The following DLG2 variants were observed in gnomAD, a reference collection of about 807,000 sequenced individuals.
The protein encoded by DLG2 is disks large homolog 2.
A neutral mutation model predicts 132.5 loss-of-function variants in DLG2; 45 were observed. That is an observed-to-expected ratio of 0.34 (90% CI 0.27 to 0.44). The LOEUF is 0.44. DLG2 is among the 20% of genes least tolerant of loss of function. The probability of loss-of-function intolerance (pLI) is 1.00; values close to 1 mark genes in which losing one functional copy is unlikely to be tolerated. For synonymous variants in DLG2, 424 were observed against 419.6 expected (o/e 1.01, Z -0.13); for missense variants, 1,045 against 1,196.9 (o/e 0.87, Z 1.87).
intron 6 of DLG2, among the ~76,000 whole-genome samples, chr11:85,060,413 G>A (rs998871475): frequency 2.0e-5 from 3 of 149,708 alleles, no homozygotes; most frequent in Admixed American, 6.7e-5. Context: ...CATTATATAT[G>A]TGTGTGTATA....
chr11:84,144,712 T>C (rs1449605999), intron 9 of DLG2, among the ~76,000 whole-genome samples: 1 of 152,172 alleles, frequency 6.6e-6, no homozygotes, highest in Non-Finnish European at 1.5e-5. Context: ...TTTGTGAGGA[T>C]AAACCAAACA....
At chr11:85,322,863 C>T (rs932703027) in intron 3 of DLG2, among the ~76,000 whole-genome samples, 1 of 152,148 alleles carries the variant, frequency 6.6e-6, no homozygotes, top group African/African-American at 2.4e-5. Flanking sequence ...CTAGCTAAAT[C>T]CAGGTAACCA....
chr11:83,505,676 C>T (rs2094658751), intron 21 of DLG2, among the ~76,000 whole-genome samples: 1 of 152,196 alleles, frequency 6.6e-6, no homozygotes, highest in Non-Finnish European at 1.5e-5. Flanking sequence ...GCCCATGAAT[C>T]AGTATATAAT....
At chr11:83,727,836 T>TTTAGTGAGATCAAACAAAAGGAAGTTCTC (rs1237029655) in intron 18 of DLG2, among the ~76,000 whole-genome samples, 3 of 152,154 alleles carry the variant, frequency 2.0e-5, no homozygotes. Context: ...AAACTATAAA[T>TTTAGTGAGATCAAACAAAAGGAAGTTCTC]TTAGTGAGAT....
At position 83,469,217 on chromosome 11, in the gene DLG2, C is replaced by G; in HGVS notation, c.2603G>C (p.Arg868Thr). The G allele has an allele frequency of 6.2e-7, 1 of 1,608,848 alleles. No homozygotes were observed. The highest frequency in any genetic ancestry group is 8.5e-7 in the Non-Finnish European group (1 of 1,177,914). ...NLYGTSVQSV[R>T]FVAERGKHCI... Reference sequence around the variant, plus strand: ...TGAACATACTCTTTCTGCTACAAATCTCACAGACTGCACACTGGTTCCATA... The same window carrying G: ...TGAACATACTCTTTCTGCTACAAATGTCACAGACTGCACACTGGTTCCATA... The change falls in exon 25 of 28, where the codon AGA becomes ACA. Residue 868 changes from arginine to threonine, a missense_variant. Arg to Thr is a moderately conservative substitution (Grantham distance 71). Transcript: ENST00000376104.
chr11:83,536,090 A>G (rs1386782522), intron 20 of DLG2, among the ~76,000 whole-genome samples: 1 of 152,216 alleles, frequency 6.6e-6, no homozygotes, highest in Non-Finnish European at 1.5e-5. Context: ...ATGAAGGCAC[A>G]TACATATCCT....
chr11:84,145,768 C>A (rs2095055585), intron 9 of DLG2, among the ~76,000 whole-genome samples: 1 of 152,138 alleles, frequency 6.6e-6, no homozygotes, highest in African/African-American at 2.4e-5. Flanking sequence ...CTCAGCTGAG[C>A]ACTTACAGAG....
At chr11:84,228,099 T>C (rs1389988037) in intron 8 of DLG2, among the ~76,000 whole-genome samples, 2 of 152,182 alleles carry the variant, frequency 1.3e-5, no homozygotes, top group African/African-American at 2.4e-5. Context: ...CTGACTCATC[T>C]GGTTGCATCA....
chr11:85,087,868 A>AAAAAAAAAAAAAAC (rs2068190747), intron 6 of DLG2, among the ~76,000 whole-genome samples: 1 of 149,256 alleles, frequency 6.7e-6, no homozygotes, highest in South Asian at 2.1e-4. Flanking sequence ...AAAAAAAAAA[A>AAAAAAAAAAAAAAC]ACAGATCATG....
chr11:83,639,707 T>C (rs1267836542), intron 18 of DLG2, among the ~76,000 whole-genome samples: 1 of 150,600 alleles, frequency 6.6e-6, no homozygotes, highest in Non-Finnish European at 1.5e-5. Flanking sequence ...TGTATACATA[T>C]GTAACAAACC....
chr11:84,886,581 T>C (rs2088360147), intron 6 of DLG2, among the ~76,000 whole-genome samples: 1 of 152,130 alleles, frequency 6.6e-6, no homozygotes, highest in African/African-American at 2.4e-5. Context: ...TATTTGTATA[T>C]TCGTTGTGTA....
chr11:84,364,484 T>A (rs2098669817), intron 7 of DLG2, among the ~76,000 whole-genome samples: 1 of 152,236 alleles, frequency 6.6e-6, no homozygotes, highest in Non-Finnish European at 1.5e-5. Context: ...CCTCTTTTCC[T>A]AACTGAATAC....
At chr11:83,512,564 G>C (rs2095086822) in intron 21 of DLG2, among the ~76,000 whole-genome samples, 1 of 151,348 alleles carries the variant, frequency 6.6e-6, no homozygotes, top group South Asian at 2.1e-4. Context: ...TAAGTTTTAG[G>C]GTACATGTGC....
intron 5 of DLG2, among the ~76,000 whole-genome samples, chr11:85,145,224 T>C (rs1035446389): frequency 6.6e-6 from 1 of 152,086 alleles, no homozygotes; most frequent in Non-Finnish European, 1.5e-5. Flanking sequence ...CAATGTTGCT[T>C]GTTTCTTTTC....
intron 6 of DLG2, among the ~76,000 whole-genome samples, chr11:84,960,546 C>T (rs1234778750): frequency 6.6e-6 from 1 of 151,904 alleles, no homozygotes; most frequent in Non-Finnish European, 1.5e-5. Context: ...AGCTGTTCTC[C>T]TGCCTCAGCC....
At chr11:85,522,639 C>T (rs774359153) in intron 3 of DLG2, among the ~76,000 whole-genome samples, 7 of 152,182 alleles carry the variant, frequency 4.6e-5, no homozygotes, top group South Asian at 2.1e-4. Context: ...GGGAGCCCAC[C>T]GTTTGCATCA....
At chr11:84,633,655 A>C (rs1012807366) in intron 6 of DLG2, among the ~76,000 whole-genome samples, 1 of 151,870 alleles carries the variant, frequency 6.6e-6, no homozygotes, top group Non-Finnish European at 1.5e-5. Context: ...TCTGTGTCTC[A>C]TTCTTCATTA....
chr11:83,496,153 G>A (rs2094136281), intron 21 of DLG2, among the ~76,000 whole-genome samples: 2 of 150,742 alleles, frequency 1.3e-5, no homozygotes, highest in South Asian at 2.1e-4. Context: ...AATAAAAAAT[G>A]AGCTAGAGAC....
intron 6 of DLG2, among the ~76,000 whole-genome samples, chr11:84,833,931 G>A (rs2153998953): frequency 6.6e-6 from 1 of 151,672 alleles, no homozygotes; most frequent in Non-Finnish European, 1.5e-5. Flanking sequence ...GATGTCAAGG[G>A]AATGGGGCAA....
Sources: gnomAD v4.1 joint callset for allele counts (sites outside exome capture counted in the v4.1 genomes callset) on GRCh38, gnomAD v4.1.1 for gene constraint, MANE v1.5 for transcripts, NCBI Gene and HGNC (gene_info 2026-07-23, HGNC 2026-07-21) for gene names.